PPP1R1C: variants seen among roughly 807,000 people sequenced by gnomAD.
PPP1R1C encodes protein phosphatase 1 regulatory inhibitor subunit 1C.
Under a neutral mutation model 17.4 loss-of-function variants are expected in PPP1R1C, and 15 were observed. The observed-to-expected ratio is 0.86, with a 90% confidence interval of 0.58 to 1.33. The LOEUF is 1.33. PPP1R1C is among the 40% of genes most tolerant of loss of function. The probability of loss-of-function intolerance (pLI) is 0.00; values close to 1 mark genes in which losing one functional copy is unlikely to be tolerated. For missense variants in PPP1R1C, 143 were observed against 130.0 expected, an observed-to-expected ratio of 1.10 and a Z score of -0.48; for synonymous variants, 35 against 43.1, an observed-to-expected ratio of 0.81 and a Z score of 0.73.
At chr2:182,104,414 A>G (rs1689187512) in intron 4 of PPP1R1C, among the ~76,000 whole-genome samples, 1 of 152,188 alleles carries the variant, frequency 6.6e-6, no homozygotes, top group Non-Finnish European at 1.5e-5. Flanking sequence ...AATGATGTTG[A>G]ATTTTGTCAA....
chr2:182,068,375 A>AT (rs1423563875), intron 4 of PPP1R1C, among the ~76,000 whole-genome samples: 1 of 152,184 alleles, frequency 6.6e-6, no homozygotes, highest in Non-Finnish European at 1.5e-5. Context: ...ACCCTGCAGC[A>AT]TGAAGGAATG....
At chr2:182,051,728 T>C (rs578078339) in intron 2 of PPP1R1C, among the ~76,000 whole-genome samples, 1 of 152,344 alleles carries the variant, frequency 6.6e-6, no homozygotes, top group South Asian at 2.1e-4. Context: ...CATAATGACC[T>C]CTCTATGTTT....
At chr2:182,033,335 G>C (rs1456279900) in intron 2 of PPP1R1C, among the ~76,000 whole-genome samples, 2 of 152,080 alleles carry the variant, frequency 1.3e-5, no homozygotes, top group Non-Finnish European at 2.9e-5. Context: ...GTCATATACT[G>C]ATAACTTTCA....
intron 4 of PPP1R1C, 66 bp downstream of exon 4, chr2:182,063,857 T>C: frequency 8.6e-7 from 1 of 1,162,922 alleles, no homozygotes; most frequent in Non-Finnish European, 1.3e-6. Flanking sequence ...CCGTCTGTTC[T>C]CTAGGACCAC....
chr2:182,063,698 C>T lies in PPP1R1C; in HGVS notation c.181-33C>T, dbSNP rs753314684. Reference sequence around the variant, plus strand: ...ATGGCATCGTACTTTGTATCCAAATCTAAGGCTTTTACTTTTTTCTCTTTC... The same window carrying T: ...ATGGCATCGTACTTTGTATCCAAATTTAAGGCTTTTACTTTTTTCTCTTTC... On this transcript the variant is annotated intron_variant, in intron 3 of 4. Transcript: ENST00000682840. 4.4e-6 allele frequency: 7 copies of T among 1,574,480 alleles called. No homozygotes were observed. The Admixed American group carries it at 1.2e-4, about 26-fold the overall frequency.
chr2:182,124,300 CTTTGTTTTTTTTTGTTTTTTTTT>C (rs1300178362), intron 5 of PPP1R1C, among the ~76,000 whole-genome samples: 35 of 100,634 alleles, frequency 3.5e-4, no homozygotes, highest in African/African-American at 1.3e-3. Context: ...ATGCCTCCAG[CTTTGTTTTTTTTTGTTTTTTTTT>C]TTTGTTTTTT....
At chr2:182,046,651 A>G (rs1285057409) in intron 2 of PPP1R1C, among the ~76,000 whole-genome samples, 1 of 151,882 alleles carries the variant, frequency 6.6e-6, no homozygotes, top group African/African-American at 2.4e-5. Context: ...AGGCAGGAGA[A>G]TCACTTGAAC....
In PPP1R1C at chr2:181,954,691, G is replaced by A. The variant is rs1172385535; in HGVS notation, n.111+57G>A. On this transcript the variant is annotated intron_variant and non_coding_transcript_variant, in intron 1 of 5. Transcript: ENST00000464264. ...CTACAGACTTCCCCATTATATTTTT[G>A]GCTGCCTAAACAGAAACAGACTTCC... 2.0e-5 allele frequency: 3 copies of A among 152,072 alleles called. No individual in the cohort carries two copies. The East Asian group carries it at 5.8e-4, about 29-fold the overall frequency. 9.4% of individuals were successfully genotyped at this position (152,072 alleles called of 1,614,324 possible).
chr2:182,102,996 G>C (rs946738397), intron 4 of PPP1R1C, among the ~76,000 whole-genome samples: 1 of 151,914 alleles, frequency 6.6e-6, no homozygotes, highest in African/African-American at 2.4e-5. Context: ...TAGAGATGGG[G>C]TTTCGCCATG....
chr2:182,118,404 A>C (rs549231253), downstream of PPP1R1C, among the ~76,000 whole-genome samples: 14 of 152,076 alleles, frequency 9.2e-5, no homozygotes, highest in Non-Finnish European at 1.8e-4. Flanking sequence ...CTAAACTACA[A>C]AATTTAGGGG....
chr2:182,129,991 T>TA (rs1233534811), exon 6 of PPP1R1C: 2 of 152,000 alleles, frequency 1.3e-5, no homozygotes, highest in African/African-American at 2.4e-5. Context: ...GAAACTTTAA[T>TA]AAAAAAAGTA....
intron 3 of PPP1R1C, among the ~76,000 whole-genome samples, chr2:182,062,901 CA>C (rs1687888584): frequency 1.3e-5 from 2 of 152,060 alleles, no homozygotes; most frequent in South Asian, 4.1e-4. Flanking sequence ...TGCAAAAACT[CA>C]TTGATTAAGA....
intron 1 of PPP1R1C, among the ~76,000 whole-genome samples, chr2:181,964,719 T>C (rs1684876388): frequency 6.6e-6 from 1 of 152,150 alleles, no homozygotes; most frequent in Non-Finnish European, 1.5e-5. Context: ...ATTTATTTAT[T>C]TATTGAAACA....
chr2:181,978,855 T>C (rs1182289290), intron 2 of PPP1R1C, among the ~76,000 whole-genome samples: 1 of 152,122 alleles, frequency 6.6e-6, no homozygotes, highest in East Asian at 1.9e-4. Context: ...GTTTCTTCCA[T>C]TTTTGCAAAA....
chr2:182,069,702 C>CTA (rs1483111910), intron 4 of PPP1R1C, among the ~76,000 whole-genome samples: 16 of 152,122 alleles, frequency 1.1e-4, no homozygotes, highest in African/African-American at 3.1e-4. Flanking sequence ...ATTCATTTGT[C>CTA]TATATATATG....
intron 2 of PPP1R1C, among the ~76,000 whole-genome samples, chr2:181,994,375 A>AT (rs1685556857): frequency 6.6e-6 from 1 of 152,150 alleles, no homozygotes; most frequent in African/African-American, 2.4e-5. Context: ...CTCAATTTTC[A>AT]TTCCACTCCA....
chr2:181,998,219 GT>G (rs1685667751), intron 2 of PPP1R1C, among the ~76,000 whole-genome samples: 1 of 152,178 alleles, frequency 6.6e-6, no homozygotes, highest in Non-Finnish European at 1.5e-5. Context: ...ACTGGCATTG[GT>G]TGTGTTGCTG....
intron 4 of PPP1R1C, among the ~76,000 whole-genome samples, chr2:182,099,987 CAA>C (rs59469247): frequency 6.6e-6 from 1 of 151,086 alleles, no homozygotes; most frequent in Admixed American, 6.6e-5. Context: ...AGAGACTTAA[CAA>C]AAAAAAAGTC....
Position 182,078,698 on chromosome 2 carries a change from C to T in PPP1R1C, c.241+14907C>T, listed in dbSNP as rs141062580. Among the ~76,000 whole-genome samples, 344 of 152,322 alleles carry T rather than the reference C, an allele frequency of 2.3e-3. 1 individual carries two copies. The highest frequency in any genetic ancestry group is 7.4e-3 in the African/African-American group (306 of 41,584). On this transcript the variant is annotated intron_variant, in intron 4 of 4. Transcript: ENST00000682840. Reference sequence around the variant, plus strand: ...CTCTGACAATTCAAATCTGTGTCGTCTTCTTCCAGTTATTTAACCTTTATA... The same window carrying T: ...CTCTGACAATTCAAATCTGTGTCGTTTTCTTCCAGTTATTTAACCTTTATA...
Sources: allele counts gnomAD v4.1 joint callset (sites outside exome capture counted in the v4.1 genomes callset), GRCh38; gene constraint gnomAD v4.1.1; transcripts MANE v1.5; gene names NCBI Gene and HGNC (gene_info 2026-07-23, HGNC 2026-07-21).